Variants in SCN3B observed in about 807,000 individuals in gnomAD.
SCN3B encodes sodium voltage-gated channel beta subunit 3, also known as sodium channel regulatory subunit beta-3.
SCN3B carries 11 observed loss-of-function variants against 25.4 expected under a neutral mutation model. The observed-to-expected ratio is 0.43, with a 90% CI of 0.27 to 0.72. The LOEUF is 0.72. Among genes scored for constraint, SCN3B ranks in the 30% least tolerant of loss-of-function variants. The probability of loss-of-function intolerance (pLI) is 0.18; values close to 1 mark genes in which losing one functional copy is unlikely to be tolerated. For synonymous variants in SCN3B, 109 were observed against 110.7 expected (o/e 0.99, Z 0.09); for missense variants, 218 against 278.3 (o/e 0.78, Z 1.54).
chr11:123,648,088 G>C (rs2137250112), intron 2 of SCN3B, among the ~76,000 whole-genome samples: 1 of 152,346 alleles, frequency 6.6e-6, no homozygotes, highest in Admixed American at 6.5e-5. Context: ...CAGAGGGGTA[G>C]AGCGTATGCA....
intron 2 of SCN3B, among the ~76,000 whole-genome samples, chr11:123,652,556 G>A (rs910888957): frequency 1.3e-5 from 2 of 152,218 alleles, no homozygotes; most frequent in African/African-American, 2.4e-5. Context: ...GGCAGGATGA[G>A]TTTCATGCCA....
In SCN3B at chr11:123,631,029, C is replaced by G. The variant is rs1194264948; in HGVS notation, c.*2770G>C. 2 of 152,022 alleles carry G rather than the reference C, an allele frequency of 1.3e-5. No individual in the cohort carries two copies. Among genetic ancestry groups the G allele is most frequent in the East Asian group, 3.8e-4 (2 of 5,196 alleles). 9.4% of individuals were successfully genotyped at this position (152,022 alleles called of 1,614,324 possible). A position where few individuals can be genotyped will look rare whatever the true frequency, so the allele number is the denominator to read the frequency against. ...CTTTTGTAATGTGACCTCACAGGAC[C>G]AGTTATAGAGAAGAAATAAAATAGT... is the stretch of plus-strand genomic sequence containing the variant. On this transcript the variant is annotated 3_prime_UTR_variant, in exon 7 of 7. Transcript: ENST00000299333.
intron 3 of SCN3B, among the ~76,000 whole-genome samples, chr11:123,644,976 T>G (rs1203261380): frequency 1.3e-5 from 2 of 151,866 alleles, no homozygotes; most frequent in East Asian, 3.9e-4. Flanking sequence ...GACTCCCAGC[T>G]CTGCCAGGAG....
rs1298123041 is a variant in SCN3B at position 123,654,249 on chromosome 11, G to T, written c.-49C>A. On this transcript the variant is annotated 5_prime_UTR_variant, in exon 1 of 7. Transcript: ENST00000299333. ...ACCTCTCGCCTCCCCAGGATCGGTT[G>T]CGTTCCGACTGGAATCCTCCCAGCC... The T allele has an allele frequency of 1.5e-5, 3 of 203,222 alleles. No individual in the cohort carries two copies. In the South Asian group the frequency reaches 2.6e-4, roughly 17 times the overall value. The allele number at this position is 203,222 out of a possible 1,614,324, so 12.6% of individuals were successfully genotyped here.
chr11:123,649,922 TC>T (rs1955904588), intron 2 of SCN3B, among the ~76,000 whole-genome samples: 1 of 152,160 alleles, frequency 6.6e-6, no homozygotes, highest in East Asian at 1.9e-4. Flanking sequence ...CAGGCTAGTC[TC>T]AAACTTCTGA....
intron 3 of SCN3B, among the ~76,000 whole-genome samples, chr11:123,645,196 A>C (rs543764267): frequency 6.6e-6 from 1 of 152,148 alleles, no homozygotes; most frequent in Non-Finnish European, 1.5e-5. Flanking sequence ...TAAAGGAGCT[A>C]ACCTTTGTTA....
rs1654982623 is a variant in SCN3B, at chr11:123,632,047, C to T, written c.*1752G>A. The T allele has an allele frequency of 6.6e-6, 1 of 152,156 alleles. No individual in the cohort carries two copies. Among genetic ancestry groups the T allele is most frequent in the South Asian group, 2.1e-4 (1 of 4,832 alleles). 9.4% of individuals were successfully genotyped at this position (152,156 alleles called of 1,614,324 possible). ...ATTCCATAAAGCATCTTTCCCCTCTCTTGTCCCTGGGTGCTGAAGGATGTC... is the reference window on the plus strand; with the variant it reads ...ATTCCATAAAGCATCTTTCCCCTCTTTTGTCCCTGGGTGCTGAAGGATGTC... On this transcript the variant is annotated 3_prime_UTR_variant, in exon 7 of 7. Transcript: ENST00000299333.
intron 2 of SCN3B, 42 bp from the exon 3 acceptor site, chr11:123,645,792 T>C: frequency 6.2e-7 from 1 of 1,604,032 alleles, no homozygotes; most frequent in Non-Finnish European, 8.5e-7. Flanking sequence ...CAGCAGGTGG[T>C]GGGGGAGGGG....
chr11:123,651,090 A>T (rs1173755595), intron 2 of SCN3B, among the ~76,000 whole-genome samples: 1 of 150,384 alleles, frequency 6.6e-6, no homozygotes, highest in Non-Finnish European at 1.5e-5. Flanking sequence ...TTATTATTTT[A>T]TTGTATTAAT....
intron 2 of SCN3B, among the ~76,000 whole-genome samples, chr11:123,650,508 A>G (rs371629107): frequency 7.9e-5 from 12 of 152,198 alleles, no homozygotes; most frequent in African/African-American, 2.7e-4. Flanking sequence ...TGCACGAAAG[A>G]TCACCAGGGG....
At chr11:123,636,221 C>T (rs1362335706) in intron 5 of SCN3B, among the ~76,000 whole-genome samples, 3 of 152,138 alleles carry the variant, frequency 2.0e-5, no homozygotes, top group Non-Finnish European at 1.5e-5. Context: ...AAATTTGTTA[C>T]TAAATTTGTT....
rs1191165887 is a variant in SCN3B at position 123,629,469 on chromosome 11, T to C, written c.*4330A>G. 1.3e-5 allele frequency: 2 copies of C among 152,250 alleles called. No homozygotes were observed. The highest frequency in any genetic ancestry group is 1.3e-4 in the Admixed American group (2 of 15,280). 9.4% of individuals were successfully genotyped at this position (152,250 alleles called of 1,614,324 possible). ...AGCTGGCCTGGGATGGAGACCGAGTTTGATATATAAATCAGACTTGCTTGG... is the reference window on the plus strand; with the variant it reads ...AGCTGGCCTGGGATGGAGACCGAGTCTGATATATAAATCAGACTTGCTTGG... On this transcript the variant is annotated 3_prime_UTR_variant, in exon 7 of 7. Coordinates refer to ENST00000299333, the MANE Select transcript of SCN3B (RefSeq NM_001040151.2).
At chr11:123,649,586 G>GTCTT (rs932972239) in intron 2 of SCN3B, among the ~76,000 whole-genome samples, 2 of 151,772 alleles carry the variant, frequency 1.3e-5, no homozygotes, top group African/African-American at 2.4e-5. Flanking sequence ...GCACACCACT[G>GTCTT]TCTTTCTTTC....
intron 5 of SCN3B, 62 bp from the exon 6 acceptor site, chr11:123,634,268 G>C (rs1955702190): frequency 3.7e-6 from 5 of 1,362,586 alleles, no homozygotes; most frequent in Non-Finnish European, 2.1e-6. Flanking sequence ...ACACAAGATG[G>C]GGAAGGAGCA....
chr11:123,653,604 C>T, intron 2 of SCN3B, 143 bp downstream of exon 2: 1 of 928,632 alleles, frequency 1.1e-6, no homozygotes, highest in South Asian at 1.4e-5. Flanking sequence ...TCTCATGGAA[C>T]CCCTGCCATC....
intron 5 of SCN3B, 124 bp downstream of exon 5, chr11:123,638,062 A>C (rs1206263292): frequency 1.7e-6 from 2 of 1,172,212 alleles, no homozygotes; most frequent in South Asian, 2.6e-5. Flanking sequence ...AATGGTGCCT[A>C]TCTCTTAAGC....
chr11:123,648,250 G>A (rs573562841), intron 2 of SCN3B, among the ~76,000 whole-genome samples: 18 of 152,354 alleles, frequency 1.2e-4, no homozygotes, highest in Admixed American at 1.1e-3. Context: ...GCAGGGTGAA[G>A]ATAGAATCTG....
Position 123,654,493 on chromosome 11 carries a change from C to G in SCN3B, c.-293G>C, listed in dbSNP as rs7483687. 21,424 of 153,634 alleles carry G rather than the reference C, an allele frequency of 0.14. 1,602 individuals are homozygous for G. Among genetic ancestry groups the G allele is most frequent in the Admixed American group, 0.2 (3,150 of 15,598 alleles). 9.5% of individuals were successfully genotyped at this position (153,634 alleles called of 1,614,324 possible). A position where few individuals can be genotyped will look rare whatever the true frequency, so the allele number is the denominator to read the frequency against. On this transcript the variant is annotated 5_prime_UTR_variant, in exon 1 of 7. Coordinates refer to ENST00000299333, the MANE Select transcript of SCN3B (RefSeq NM_001040151.2). The stretch of plus-strand genomic sequence containing the variant: ...AGAGGTTGGGGGGTGGGTGTAGAGG[C>G]GGAGCCCCTTCCCGGGAGCTCGCCC...
chr11:123,637,868 G>T (rs1955745652), intron 5 of SCN3B, among the ~76,000 whole-genome samples: 2 of 152,154 alleles, frequency 1.3e-5, no homozygotes, highest in South Asian at 4.1e-4. Flanking sequence ...GGTAGCAGCT[G>T]ATGGTCTTTG....
Sources: gnomAD v4.1 joint callset for allele counts (sites outside exome capture counted in the v4.1 genomes callset) on GRCh38, gnomAD v4.1.1 for gene constraint, MANE v1.5 for transcripts, NCBI Gene and HGNC (gene_info 2026-07-23, HGNC 2026-07-21) for gene names.